The following AP1B1 variants were observed in gnomAD, a reference collection of about 807,000 sequenced individuals.
AP1B1 encodes the protein adaptor related protein complex 1 subunit beta 1.
In AP1B1, 36 loss-of-function variants were observed where a neutral mutation model predicts 104.3. The observed-to-expected ratio is 0.35, with a 90% confidence interval of 0.26 to 0.46. The LOEUF (loss-of-function observed/expected upper bound fraction) is 0.46, where lower values mean the gene tolerates loss of function less well. Ranked by LOEUF, AP1B1 falls within the 20% of genes least tolerant of loss-of-function variation. The probability of loss-of-function intolerance (pLI) is 1.00; values close to 1 mark genes in which losing one functional copy is unlikely to be tolerated. For synonymous variants in AP1B1, 504 were observed against 517.5 expected (o/e 0.97, Z 0.35); for missense variants, 901 against 1,247.9 (o/e 0.72, Z 4.19).
chr22:29,342,795 G>C (rs2061734267), intron 11 of AP1B1, among the ~76,000 whole-genome samples: 1 of 152,182 alleles, frequency 6.6e-6, no homozygotes, highest in African/African-American at 2.4e-5. Flanking sequence ...TGGGGCAGCA[G>C]GGCCCACAGA....
At chr22:29,335,892 G>T (rs2147943071) in intron 16 of AP1B1, among the ~76,000 whole-genome samples, 1 of 152,334 alleles carries the variant, frequency 6.6e-6, no homozygotes, top group East Asian at 1.9e-4. Flanking sequence ...CGGCGGCTGA[G>T]AGAGTACGCA....
intron 21 of AP1B1, 44 bp from the exon 22 acceptor site, chr22:29,329,764 A>G (rs774167790): frequency 6.2e-7 from 1 of 1,612,688 alleles, no homozygotes; most frequent in Admixed American, 1.7e-5. Flanking sequence ...GCAGCAACCA[A>G]ACACAGGGAG....
At chr22:29,379,336 G>A (rs1219150649) in intron 1 of AP1B1, among the ~76,000 whole-genome samples, 1 of 152,104 alleles carries the variant, frequency 6.6e-6, no homozygotes, top group Admixed American at 6.6e-5. Context: ...CTCAAAAAAA[G>A]AAAAAGTTCC....
At chr22:29,342,460 G>A (rs1456933177) in intron 11 of AP1B1, 77 bp from the exon 12 acceptor site, 2 of 1,220,472 alleles carry the variant, frequency 1.6e-6, no homozygotes, top group African/African-American at 3.0e-5. Flanking sequence ...GGCTTGAAGA[G>A]GAATAGGGTG....
chr22:29,385,060 G>A (rs2062500083), intron 1 of AP1B1, among the ~76,000 whole-genome samples: 2 of 152,012 alleles, frequency 1.3e-5, no homozygotes, highest in African/African-American at 4.8e-5. Context: ...TCAGGCAGAG[G>A]GAAGAGTGCA....
chr22:29,353,881 G>T (rs1278850351), intron 7 of AP1B1, among the ~76,000 whole-genome samples: 3 of 152,234 alleles, frequency 2.0e-5, no homozygotes, highest in Admixed American at 2.0e-4. Flanking sequence ...ACCAAAAGCT[G>T]TGAGGAGAAC....
Position 29,359,818 on chromosome 22 carries a change from GC to G in AP1B1, c.279+5del. The G allele has an allele frequency of 6.2e-7, 1 of 1,612,182 alleles. No homozygotes were observed. Among genetic ancestry groups the G allele is most frequent in the Non-Finnish European group, 8.5e-7 (1 of 1,178,884 alleles). ...ATGTCCCCACGCCCACCAAGCGTCT[GC>G]TCACCTTCACAAAGGTGTTGACGGC... On this transcript the variant is annotated splice_donor_5th_base_variant and intron_variant, in intron 4 of 22. Coordinates refer to ENST00000357586, the MANE Select transcript of AP1B1 (RefSeq NM_001127.4).
intron 11 of AP1B1, among the ~76,000 whole-genome samples, chr22:29,342,584 C>T (rs2061731114): frequency 6.6e-6 from 1 of 152,256 alleles, no homozygotes. Context: ...CTCGGCATCA[C>T]TCACTCAGGA....
At chr22:29,374,564 T>C (rs1473578872) in intron 1 of AP1B1, among the ~76,000 whole-genome samples, 1 of 152,050 alleles carries the variant, frequency 6.6e-6, no homozygotes, top group Non-Finnish European at 1.5e-5. Flanking sequence ...AAACTGAAAC[T>C]ACGGTGAAAT....
In AP1B1 at chr22:29,339,000, G is replaced by A; in HGVS notation, c.2153C>T (p.Ala718Val). ...GVGTLSGSYV[A>V]PKAVWLPAMK... ...AGACAAGTGACTTACTGCTTTGGGG[G>A]CCACATATGATCCTGACAGGGTGCC... is the stretch of plus-strand genomic sequence containing the variant. Residue 718 changes from alanine (A) to valine (V), a missense_variant, in exon 16 of 23, where the codon GCC becomes GTC. This residue lies in a region of AP1B1 where 424 missense variants were observed against 494.0 expected (regional missense o/e 0.86). Coordinates refer to ENST00000357586, the MANE Select transcript of AP1B1 (RefSeq NM_001127.4). 1.2e-6 allele frequency: 2 copies of A among 1,614,120 alleles called. No homozygotes were observed. The highest frequency in any genetic ancestry group is 2.2e-5 in the South Asian group (2 of 91,074).
At chr22:29,353,620 T>C (rs1297821734) in intron 7 of AP1B1, among the ~76,000 whole-genome samples, 4 of 152,100 alleles carry the variant, frequency 2.6e-5, no homozygotes, top group Non-Finnish European at 5.9e-5. Flanking sequence ...TTTACCTCCC[T>C]AATAACCCAA....
intron 18 of AP1B1, 104 bp downstream of exon 18, chr22:29,331,683 G>A: frequency 6.2e-7 from 1 of 1,600,562 alleles, no homozygotes; most frequent in Non-Finnish European, 8.6e-7. Flanking sequence ...CAACACATCT[G>A]CAGCTAAGAG....
chr22:29,331,662 C>T (rs907043082), intron 18 of AP1B1, 125 bp downstream of exon 18: 27 of 1,587,858 alleles, frequency 1.7e-5, no homozygotes, highest in Admixed American at 3.3e-5. Flanking sequence ...GTTCCCCAAC[C>T]TGGGCCTCCC....
At position 29,333,852 on chromosome 22, in the gene AP1B1, T is replaced by C. The variant is rs961279581; in HGVS notation, c.2309+413A>G. ...GCCGAGGTGGGCGGATTGCCTGAGC[T>C]CAGGAGTTCGAGACCAGCCTGGGCA... On this transcript the variant is annotated intron_variant, in intron 17 of 22. Coordinates refer to ENST00000357586, the MANE Select transcript of AP1B1 (RefSeq NM_001127.4). 2.0e-4 allele frequency among the ~76,000 whole-genome samples: 30 copies of C among 151,880 alleles called. 1 individual carries two copies. Among genetic ancestry groups the C allele is most frequent in the Admixed American group, 2.0e-3 (30 of 15,248 alleles).
chr22:29,335,029 C>T (rs2061618025), intron 16 of AP1B1, among the ~76,000 whole-genome samples: 1 of 152,214 alleles, frequency 6.6e-6, no homozygotes, highest in Non-Finnish European at 1.5e-5. Context: ...CAGGTTCCCT[C>T]GCCCCAGTGA....
In AP1B1 at chr22:29,351,355, C is replaced by G. The variant is rs766297967; in HGVS notation, c.1060-89G>C. 4.3e-6 allele frequency: 6 copies of G among 1,388,428 alleles called. No individual in the cohort carries two copies. In the African/African-American group the frequency reaches 7.1e-5, roughly 16 times the overall value. The allele number at this position is 1,388,428 out of a possible 1,614,324, so 86.0% of individuals were successfully genotyped here. A position where few individuals can be genotyped will look rare whatever the true frequency, so the allele number is the denominator to read the frequency against. ...TGGGCAGTGAATATACACAGACTCC[C>G]TAGGAGAATGGGATTCTGCCTCCTG... is the stretch of plus-strand genomic sequence containing the variant. On this transcript the variant is annotated intron_variant, in intron 8 of 22. Transcript: ENST00000357586.
chr22:29,354,670 G>C lies in AP1B1; in HGVS notation c.918C>G (p.Ile306Met). The change falls in exon 7 of 23, where the codon ATC becomes ATG. Residue 306 changes from isoleucine (I) to methionine (M), a missense_variant. Ile to Met is a conservative substitution (Grantham distance 10). Transcript: ENST00000357586. ...PELQYVALRN[I>M]NLIVQKRPEI... Reference sequence around the variant, plus strand: ...AGTACCTTTTCTGCACGATGAGATTGATGTTGCGCAGGGCCACATACTGCA... The same window carrying C: ...AGTACCTTTTCTGCACGATGAGATTCATGTTGCGCAGGGCCACATACTGCA... 1 of 1,614,114 alleles carries C rather than the reference G, an allele frequency of 6.2e-7. No individual in the cohort carries two copies. The highest frequency in any genetic ancestry group is 8.5e-7 in the Non-Finnish European group (1 of 1,180,026).
chr22:29,342,248 G>T, intron 12 of AP1B1, 37 bp downstream of exon 12: 1 of 1,538,624 alleles, frequency 6.5e-7, no homozygotes, highest in Non-Finnish European at 9.0e-7. Flanking sequence ...TTGAGTGAGG[G>T]CTATGCTGGG....
intron 8 of AP1B1, 121 bp from the exon 9 acceptor site, chr22:29,351,387 G>A (rs1372082347): frequency 1.7e-6 from 2 of 1,179,604 alleles, no homozygotes; most frequent in Admixed American, 1.8e-5. Flanking sequence ...CCTGCTCCAG[G>A]TAGAAGGCCC....
Sources: gnomAD v4.1 joint callset for allele counts (sites outside exome capture counted in the v4.1 genomes callset) on GRCh38, gnomAD v4.1.1 for gene constraint, gnomAD v4.1.1 regional missense constraint, MANE v1.5 for transcripts, NCBI Gene and HGNC (gene_info 2026-07-23, HGNC 2026-07-21) for gene names.